RUNDC3B: variants seen among roughly 807,000 people sequenced by gnomAD.
RUNDC3B encodes the protein RUN domain containing 3B.
RUNDC3B carries 33 observed loss-of-function variants against 58.4 expected under a neutral mutation model. The ratio of observed to expected loss-of-function variants is 0.56; its 90% CI spans 0.43 to 0.75. RUNDC3B has a LOEUF of 0.75. Ranked by LOEUF, RUNDC3B falls within the 30% of genes least tolerant of loss-of-function variation. The probability of loss-of-function intolerance (pLI) is 0.00; values close to 1 mark genes in which losing one functional copy is unlikely to be tolerated. For synonymous variants in RUNDC3B, 193 were observed against 195.2 expected (o/e 0.99, Z 0.10); for missense variants, 501 against 535.7 (o/e 0.94, Z 0.64).
At chr7:87,812,379 C>T (rs1370793714) in intron 9 of RUNDC3B, among the ~76,000 whole-genome samples, 6 of 152,130 alleles carry the variant, frequency 3.9e-5, no homozygotes, top group South Asian at 2.1e-4. Flanking sequence ...GAGGCCACAG[C>T]GGGCGGATCA....
chr7:87,706,843 A>G (rs1829640169), intron 3 of RUNDC3B, among the ~76,000 whole-genome samples: 1 of 152,190 alleles, frequency 6.6e-6, no homozygotes, highest in African/African-American at 2.4e-5. Flanking sequence ...TCTGTAGCTC[A>G]AAGCAAAGTC....
chr7:87,689,084 T>C (rs1477687775), intron 2 of RUNDC3B, among the ~76,000 whole-genome samples: 5 of 152,178 alleles, frequency 3.3e-5, no homozygotes, highest in African/African-American at 9.6e-5. Context: ...ATTCAAAATT[T>C]AGATTTGGCT....
At chr7:87,754,224 A>T (rs1833217000) in intron 6 of RUNDC3B, among the ~76,000 whole-genome samples, 1 of 152,220 alleles carries the variant, frequency 6.6e-6, no homozygotes, top group Non-Finnish European at 1.5e-5. Flanking sequence ...AAAGAACCAA[A>T]ATCATACCAA....
chr7:87,692,561 G>C (rs890619510), intron 2 of RUNDC3B, among the ~76,000 whole-genome samples: 1 of 152,124 alleles, frequency 6.6e-6, no homozygotes, highest in Non-Finnish European at 1.5e-5. Flanking sequence ...CATAAATCTG[G>C]TCATGATATG....
intron 6 of RUNDC3B, among the ~76,000 whole-genome samples, chr7:87,759,665 G>T (rs1227359305): frequency 6.6e-6 from 1 of 151,922 alleles, no homozygotes; most frequent in Admixed American, 6.6e-5. Flanking sequence ...AGATGTAGTG[G>T]TGTTTTCCTG....
At chr7:87,649,339 G>A (rs575412436) in intron 1 of RUNDC3B, among the ~76,000 whole-genome samples, 3 of 152,164 alleles carry the variant, frequency 2.0e-5, no homozygotes, top group South Asian at 2.1e-4. Flanking sequence ...TGGGTACAAC[G>A]TTCAAAGCAT....
rs764732831 is a variant in RUNDC3B at position 87,830,698 on chromosome 7, A to AT, written c.*672dup. ...TGCCACAAGGAAAATATTTTACAGT[A>AT]TTTTATGCCATTTAGGCAAAATGAA... On this transcript the variant is annotated 3_prime_UTR_variant, in exon 11 of 11. Transcript: ENST00000394654. The AT allele has an allele frequency of 2.6e-5, 4 of 151,640 alleles. No homozygotes were observed. Among genetic ancestry groups the AT allele is most frequent in the Admixed American group, 6.6e-5 (1 of 15,132 alleles). The allele number at this position is 151,640 out of a possible 1,614,324, so 9.4% of individuals were successfully genotyped here. A position where few individuals can be genotyped will look rare whatever the true frequency, so the allele number is the denominator to read the frequency against.
chr7:87,784,399 T>C (rs890044990), intron 8 of RUNDC3B, among the ~76,000 whole-genome samples: 50 of 152,150 alleles, frequency 3.3e-4, no homozygotes, highest in Non-Finnish European at 4.0e-4. Flanking sequence ...GTTTTCATTT[T>C]CGTTTTTTTA....
intron 6 of RUNDC3B, among the ~76,000 whole-genome samples, chr7:87,763,181 T>A (rs921034665): frequency 6.6e-6 from 1 of 151,642 alleles, no homozygotes; most frequent in Non-Finnish European, 1.5e-5. Flanking sequence ...CCCATCCAAG[T>A]AAATGAGAAT....
intron 6 of RUNDC3B, among the ~76,000 whole-genome samples, chr7:87,753,154 G>T (rs1334760426): frequency 6.6e-6 from 1 of 151,350 alleles, no homozygotes; most frequent in African/African-American, 2.4e-5. Flanking sequence ...TCAGGAGCAG[G>T]TTGTTCAGTT....
chr7:87,715,454 TATA>T (rs571586470), intron 4 of RUNDC3B, among the ~76,000 whole-genome samples: 7,205 of 131,486 alleles, frequency 0.055, 272 homozygotes, highest in Non-Finnish European at 0.084. Flanking sequence ...AATATATAAT[TATA>T]TTATATTAAT....
chr7:87,647,243 TTA>T (rs1823101120), intron 1 of RUNDC3B, among the ~76,000 whole-genome samples: 1 of 152,212 alleles, frequency 6.6e-6, no homozygotes, highest in Admixed American at 6.5e-5. Context: ...AAAGTCAAAA[TTA>T]TTTTCTTAAG....
At chr7:87,793,283 T>C (rs943424155) in intron 8 of RUNDC3B, among the ~76,000 whole-genome samples, 2 of 152,050 alleles carry the variant, frequency 1.3e-5, no homozygotes, top group East Asian at 3.9e-4. Context: ...GAAGAAGTAA[T>C]ACCAATCCTA....
chr7:87,715,296 A>AATTATATATAATTAATTT (rs2130761249), intron 4 of RUNDC3B, among the ~76,000 whole-genome samples: 2 of 125,094 alleles, frequency 1.6e-5, no homozygotes, highest in South Asian at 4.4e-4. Context: ...ATTAATTTAT[A>AATTATATATAATTAATTT]ATAATTATAT....
At chr7:87,751,723 A>G (rs1416670460) in intron 6 of RUNDC3B, among the ~76,000 whole-genome samples, 3 of 152,058 alleles carry the variant, frequency 2.0e-5, no homozygotes, top group Non-Finnish European at 4.4e-5. Context: ...TTGTACATTG[A>G]TTTTGTATCC....
At chr7:87,660,992 C>T (rs1824647072) in intron 2 of RUNDC3B, among the ~76,000 whole-genome samples, 1 of 151,680 alleles carries the variant, frequency 6.6e-6, no homozygotes, top group African/African-American at 2.4e-5. Flanking sequence ...AATAAATGTC[C>T]CATCTTGAGA....
chr7:87,656,673 T>C (rs919091486), intron 2 of RUNDC3B, among the ~76,000 whole-genome samples: 2 of 152,124 alleles, frequency 1.3e-5, no homozygotes, highest in African/African-American at 4.8e-5. Context: ...GTAGACTTAA[T>C]TGATAGTTTA....
chr7:87,699,854 A>G (rs1303839716), intron 2 of RUNDC3B, among the ~76,000 whole-genome samples: 1 of 152,244 alleles, frequency 6.6e-6, no homozygotes, highest in East Asian at 1.9e-4. Flanking sequence ...GGGGAGCTTT[A>G]TAGATGAGAA....
intron 4 of RUNDC3B, chr7:87,713,130 CA>C (rs1259295980): frequency 1.3e-5 from 2 of 152,072 alleles, no homozygotes; most frequent in African/African-American, 4.8e-5. Context: ...TTGTAAAATA[CA>C]AACAATTAGA....
Sources: gnomAD v4.1 joint callset for allele counts (sites outside exome capture counted in the v4.1 genomes callset) on GRCh38, gnomAD v4.1.1 for gene constraint, MANE v1.5 for transcripts, NCBI Gene and HGNC (gene_info 2026-07-23, HGNC 2026-07-21) for gene names.